The following LRRN2 variants were observed in gnomAD, a reference collection of about 807,000 sequenced individuals.
The protein encoded by LRRN2 is leucine-rich repeat neuronal protein 2.
In LRRN2, 10 loss-of-function variants were observed where a neutral mutation model predicts 35.7. The ratio of observed to expected loss-of-function variants is 0.28; its 90% CI spans 0.17 to 0.47. The LOEUF (loss-of-function observed/expected upper bound fraction) is 0.47. Ranked by LOEUF, LRRN2 falls within the 20% of genes least tolerant of loss-of-function variation. The pLI is 0.99. For synonymous variants in LRRN2, 391 were observed against 409.6 expected (o/e 0.95, Z 0.55); for missense variants, 731 against 940.3 (o/e 0.78, Z 2.91).
intron 1 of LRRN2, among the ~76,000 whole-genome samples, chr1:204,680,759 T>C (rs190935993): frequency 1.3e-5 from 2 of 152,294 alleles, no homozygotes; most frequent in African/African-American, 2.4e-5. Flanking sequence ...TCAGCGGTGA[T>C]GGTGACATTC....
intron 1 of LRRN2, among the ~76,000 whole-genome samples, chr1:204,684,214 C>T (rs1669017159): frequency 6.6e-6 from 1 of 152,160 alleles, no homozygotes; most frequent in Non-Finnish European, 1.5e-5. Flanking sequence ...CTGTTCTCCT[C>T]ACCACCCTAG....
intron 1 of LRRN2, among the ~76,000 whole-genome samples, chr1:204,659,736 G>A (rs1489650701): frequency 1.3e-5 from 2 of 152,128 alleles, no homozygotes; most frequent in Non-Finnish European, 2.9e-5. Context: ...TACTATGTGT[G>A]AAGTGTTTAA....
rs1367365924 is a variant in LRRN2 at position 204,631,262 on chromosome 1, ATATATATATAT to A, written c.-226-11055_-226-11045del. ...GAGTGATACCTAGAGTGTTCTATAT[ATATATATATAT>A]ATATATATATATATATATATATATA... On this transcript the variant is annotated intron_variant, in intron 1 of 1. Transcript: ENST00000367177. Among the ~76,000 whole-genome samples the A allele has an allele frequency of 9.2e-3, 350 of 37,924 alleles. 35 individuals are homozygous for A. The East Asian group carries it at 0.12, about 13-fold the overall frequency. The allele number at this position is 37,924 out of a possible 152,430, so 24.9% of individuals were successfully genotyped here.
intron 1 of LRRN2, among the ~76,000 whole-genome samples, chr1:204,632,928 T>C (rs1266969819): frequency 8.6e-5 from 13 of 150,650 alleles, no homozygotes; most frequent in African/African-American, 2.9e-4. Flanking sequence ...AGCGAGACTC[T>C]GTCTCCAAAA....
chr1:204,673,494 A>G (rs930485371), intron 1 of LRRN2, among the ~76,000 whole-genome samples: 4 of 152,240 alleles, frequency 2.6e-5, no homozygotes, highest in African/African-American at 9.6e-5. Context: ...AGAGCTGGGA[A>G]GCAGAAGCCA....
chr1:204,681,772 G>T (rs1668961499), intron 1 of LRRN2, among the ~76,000 whole-genome samples: 1 of 152,244 alleles, frequency 6.6e-6, no homozygotes, highest in African/African-American at 2.4e-5. Context: ...CCCCGCACTG[G>T]AAAGTAACAG....
intron 1 of LRRN2, among the ~76,000 whole-genome samples, chr1:204,660,358 C>A (rs1252167006): frequency 6.6e-6 from 1 of 152,208 alleles, no homozygotes; most frequent in Non-Finnish European, 1.5e-5. Flanking sequence ...TTTTCCTCCT[C>A]TGGACTGGGA....
intron 1 of LRRN2, among the ~76,000 whole-genome samples, chr1:204,656,055 G>A (rs1471761602): frequency 1.3e-5 from 2 of 151,430 alleles, no homozygotes; most frequent in Non-Finnish European, 2.9e-5. Context: ...GACTACAGGC[G>A]CCCGCCACCA....
chr1:204,675,439 ACT>A (rs1288640705), intron 1 of LRRN2, among the ~76,000 whole-genome samples: 8 of 151,956 alleles, frequency 5.3e-5, no homozygotes, highest in South Asian at 2.1e-4. Flanking sequence ...TGGAGGAGAG[ACT>A]CTGTTTCCTG....
chr1:204,665,325 G>A (rs548337678), intron 1 of LRRN2, among the ~76,000 whole-genome samples: 17 of 152,038 alleles, frequency 1.1e-4, no homozygotes, highest in Non-Finnish European at 2.2e-4. Flanking sequence ...TTTTTTTGGA[G>A]ACAGGTTCTC....
chr1:204,673,609 G>A (rs186399149), intron 1 of LRRN2, among the ~76,000 whole-genome samples: 115 of 152,308 alleles, frequency 7.6e-4, no homozygotes, highest in African/African-American at 2.7e-3. Flanking sequence ...AAGAGTGACC[G>A]AAAGAGACAG....
chr1:204,662,063 G>A (rs1487765570), intron 1 of LRRN2, among the ~76,000 whole-genome samples: 1 of 152,178 alleles, frequency 6.6e-6, no homozygotes, highest in Middle Eastern at 3.2e-3. Flanking sequence ...GCAGGGTCTG[G>A]AGACTGACGT....
intron 1 of LRRN2, chr1:204,633,166 C>T (rs933695888): frequency 1.3e-5 from 2 of 151,758 alleles, no homozygotes; most frequent in African/African-American, 4.8e-5. Context: ...GAGGAAACAG[C>T]ATTCGAGGCA....
rs116970896 is a variant in LRRN2, at chr1:204,674,026, C to T, written c.-227+11294G>A. Among the ~76,000 whole-genome samples the T allele has an allele frequency of 2.2e-4, 34 of 152,236 alleles. No individual in the cohort carries two copies. In the East Asian group the frequency reaches 6.4e-3, roughly 29 times the overall value. ...AAAACATGAGTGGTCTGACCTGCCA[C>T]GTTTGAATGCGGCTGTCAGCCCCCC... On this transcript the variant is annotated intron_variant, in intron 1 of 1. Transcript: ENST00000367177.
chr1:204,627,486 G>T (rs548281923), intron 1 of LRRN2: 4 of 152,374 alleles, frequency 2.6e-5, no homozygotes, highest in East Asian at 3.9e-4. Flanking sequence ...CTGTCCCCAG[G>T]CAGGAATCTC....
At chr1:204,630,668 C>T (rs1049078186) in intron 1 of LRRN2, among the ~76,000 whole-genome samples, 2 of 152,022 alleles carry the variant, frequency 1.3e-5, no homozygotes, top group Middle Eastern at 3.2e-3. Flanking sequence ...TCCGTCCTGG[C>T]CACCTCCTCC....
rs115272855 is a variant in LRRN2 at position 204,622,820 on chromosome 1, G to A, written c.-226-2602C>T. On this transcript the variant is annotated intron_variant, in intron 1 of 1. Transcript: ENST00000367177. ...GCAAATAGATCAGGACCCAAATCGCGGCCCTACCACTCACTACCCAAGTAC... is the reference window on the plus strand; with the variant it reads ...GCAAATAGATCAGGACCCAAATCGCAGCCCTACCACTCACTACCCAAGTAC... 3.5e-3 allele frequency among the ~76,000 whole-genome samples: 537 copies of A among 152,120 alleles called. 4 individuals are homozygous for A. The highest frequency in any genetic ancestry group is 0.011 in the African/African-American group (476 of 41,480).
In LRRN2 at chr1:204,646,363, C is replaced by T. The variant is rs139688817; in HGVS notation, c.-226-26145G>A. ...TATTTTTCGTTTAGTTTTTAGTGAA[C>T]GTTCTTTTCAAAAAAACTACTCTTG... On this transcript the variant is annotated intron_variant, in intron 1 of 1. Coordinates refer to ENST00000367177, the MANE Select transcript of LRRN2 (RefSeq NM_201630.2). Among the ~76,000 whole-genome samples, 4 of 152,114 alleles carry T rather than the reference C, an allele frequency of 2.6e-5. No homozygotes were observed. In the East Asian group the frequency reaches 7.7e-4, roughly 29 times the overall value.
At chr1:204,631,255 T>TATATATATATATATATA (rs1667685357) in intron 1 of LRRN2, among the ~76,000 whole-genome samples, 9 of 29,436 alleles carry the variant, frequency 3.1e-4, no homozygotes, top group African/African-American at 1.3e-3. Context: ...CCTAGAGTGT[T>TATATATATATATATATA]CTATATATAT....
Sources: allele counts gnomAD v4.1 joint callset (sites outside exome capture counted in the v4.1 genomes callset), GRCh38; gene constraint gnomAD v4.1.1; transcripts MANE v1.5; gene names NCBI Gene and HGNC (gene_info 2026-07-23, HGNC 2026-07-21).